Variants in MOB1B observed in about 807,000 individuals in gnomAD.
MOB1B encodes the protein MOB1 Mps One Binder homolog B.
Under a neutral mutation model 24.4 loss-of-function variants are expected in MOB1B, and 19 were observed. The ratio of observed to expected loss-of-function variants is 0.78; its 90% CI spans 0.54 to 1.14. MOB1B has a LOEUF of 1.14. MOB1B is among the 50% of genes most tolerant of loss of function. The pLI is 0.00. For synonymous variants in MOB1B, 76 were observed against 82.1 expected (o/e 0.93, Z 0.40); for missense variants, 243 against 259.6 (o/e 0.94, Z 0.44).
intron 1 of MOB1B, among the ~76,000 whole-genome samples, chr4:70,914,775 G>C (rs748370417): frequency 6.6e-6 from 1 of 152,152 alleles, no homozygotes; most frequent in Non-Finnish European, 1.5e-5. Flanking sequence ...CTGTACTACA[G>C]CTGTTCTCTT....
At chr4:70,902,256 G>A (rs1179371344), upstream of MOB1B, 3 of 561,086 alleles carry the variant, frequency 5.3e-6, no homozygotes, top group East Asian at 9.7e-5. Context: ...TGAGGTGGGG[G>A]CGGCGGGGAG....
At chr4:70,905,787 G>A (rs938992378) in intron 1 of MOB1B, among the ~76,000 whole-genome samples, 1 of 152,106 alleles carries the variant, frequency 6.6e-6, no homozygotes. Flanking sequence ...ACTGTGGGCC[G>A]GGCACAGTGG....
At position 70,987,978 on chromosome 4, in the gene MOB1B, T is replaced by G. The variant is rs1739436180; in HGVS notation, c.*5921T>G. 6.6e-6 allele frequency: 1 copy of G among 152,618 alleles called. No homozygotes were observed. Among genetic ancestry groups the G allele is most frequent in the East Asian group, 1.9e-4 (1 of 5,206 alleles). The allele number at this position is 152,618 out of a possible 1,614,324, so 9.5% of individuals were successfully genotyped here. ...TACTGATCAAAGTTTAATTGCTTCA[T>G]TTTTGTTTAAAAAGGGATACTGATG... On this transcript the variant is annotated 3_prime_UTR_variant, in exon 6 of 6. Coordinates refer to ENST00000309395, the MANE Select transcript of MOB1B (RefSeq NM_173468.4).
chr4:70,968,538 C>T (rs1357474460), intron 2 of MOB1B, among the ~76,000 whole-genome samples: 1 of 152,010 alleles, frequency 6.6e-6, no homozygotes, highest in East Asian at 1.9e-4. Context: ...TCTTGAACTC[C>T]TGACCTCAGG....
intron 1 of MOB1B, among the ~76,000 whole-genome samples, chr4:70,952,087 G>A (rs756157524): frequency 8.5e-5 from 13 of 152,152 alleles, no homozygotes; most frequent in Non-Finnish European, 1.3e-4. Flanking sequence ...TAAAACAACA[G>A]TTCTAGGAAT....
chr4:70,923,881 A>AGCTT (rs972205579), intron 1 of MOB1B, among the ~76,000 whole-genome samples: 20 of 145,982 alleles, frequency 1.4e-4, no homozygotes, highest in Admixed American at 8.5e-4. Context: ...TGGGAGACAG[A>AGCTT]GCTTGCAGTG....
chr4:70,951,965 A>C (rs1195682721), intron 1 of MOB1B, among the ~76,000 whole-genome samples: 1 of 152,212 alleles, frequency 6.6e-6, no homozygotes, highest in East Asian at 1.9e-4. Flanking sequence ...GTCCTTTAAG[A>C]CTTTCGTACG....
chr4:70,940,378 G>A (rs1381860386), intron 1 of MOB1B, among the ~76,000 whole-genome samples: 9 of 152,072 alleles, frequency 5.9e-5, no homozygotes, highest in African/African-American at 1.9e-4. Context: ...AGCTAAGATC[G>A]CACCACTGCA....
At chr4:70,939,212 C>G (rs1042576873) in intron 1 of MOB1B, among the ~76,000 whole-genome samples, 1 of 152,118 alleles carries the variant, frequency 6.6e-6, no homozygotes, top group Non-Finnish European at 1.5e-5. Context: ...TACAAGAAAA[C>G]TATTGAAGAT....
At chr4:70,956,796 G>A (rs1738072355) in intron 1 of MOB1B, among the ~76,000 whole-genome samples, 1 of 151,994 alleles carries the variant, frequency 6.6e-6, no homozygotes, top group African/African-American at 2.4e-5. Flanking sequence ...GAGGAACATC[G>A]GTTTAATTCT....
intron 1 of MOB1B, among the ~76,000 whole-genome samples, chr4:70,930,682 T>G (rs905391809): frequency 1.6e-4 from 24 of 152,210 alleles, no homozygotes; most frequent in African/African-American, 5.3e-4. Context: ...AATTTTTTCT[T>G]TTTTTAAATG....
chr4:70,954,537 C>A (rs964443462), intron 1 of MOB1B, among the ~76,000 whole-genome samples: 1 of 145,126 alleles, frequency 6.9e-6, no homozygotes, highest in Non-Finnish European at 1.5e-5. Flanking sequence ...CTAACTGCAA[C>A]CTCCGCCTCC....
intron 2 of MOB1B, among the ~76,000 whole-genome samples, chr4:70,968,966 A>C (rs891549945): frequency 6.6e-5 from 10 of 152,092 alleles, no homozygotes; most frequent in African/African-American, 2.4e-4. Context: ...TGATTCAGAA[A>C]TATTTATGAA....
chr4:70,980,131 A>G (rs533384410), intron 5 of MOB1B, among the ~76,000 whole-genome samples: 7 of 152,264 alleles, frequency 4.6e-5, no homozygotes, highest in Non-Finnish European at 1.0e-4. Flanking sequence ...TGTTCTCTTA[A>G]GAAATTTGTA....
intron 1 of MOB1B, among the ~76,000 whole-genome samples, chr4:70,914,367 C>T (rs1736114445): frequency 6.6e-6 from 1 of 152,172 alleles, no homozygotes; most frequent in African/African-American, 2.4e-5. Context: ...TGTTCCCATC[C>T]TCATTTGAAC....
In MOB1B at chr4:70,958,866, A is replaced by G. The variant is rs768532988; in HGVS notation, c.15-8A>G. ...ATTAAACCCTTTTTTTTTCTTTTCT[A>G]TTCATAGTGGTAGTCGCTCTTCTAA... On this transcript the variant is annotated splice_region_variant and splice_polypyrimidine_tract_variant and intron_variant, in intron 1 of 5. Coordinates refer to ENST00000309395, the MANE Select transcript of MOB1B (RefSeq NM_173468.4). 1.9e-6 allele frequency: 3 copies of G among 1,592,766 alleles called. No homozygotes were observed. The highest frequency in any genetic ancestry group is 2.2e-5 in the East Asian group (1 of 44,708).
At chr4:70,951,411 A>G (rs974623461) in intron 1 of MOB1B, among the ~76,000 whole-genome samples, 17 of 152,272 alleles carry the variant, frequency 1.1e-4, no homozygotes, top group African/African-American at 4.1e-4. Context: ...ATTCAGAGCT[A>G]TCTCTAGGAC....
At chr4:70,927,849 G>A (rs1307226496) in intron 1 of MOB1B, among the ~76,000 whole-genome samples, 1 of 152,134 alleles carries the variant, frequency 6.6e-6, no homozygotes, top group Non-Finnish European at 1.5e-5. Flanking sequence ...AAACTCCAAG[G>A]CATAGAAGGC....
At chr4:70,975,110 G>A (rs752775108) in intron 3 of MOB1B, 43 bp from the exon 4 acceptor site, 3 of 1,512,226 alleles carry the variant, frequency 2.0e-6, no homozygotes, top group Non-Finnish European at 1.8e-6. Flanking sequence ...CTGTGTATAG[G>A]TATATACTAA....
Sources: allele counts gnomAD v4.1 joint callset (sites outside exome capture counted in the v4.1 genomes callset), GRCh38; gene constraint gnomAD v4.1.1; transcripts MANE v1.5; gene names NCBI Gene and HGNC (gene_info 2026-07-23, HGNC 2026-07-21).